Variants in PSD2 observed in about 807,000 individuals in gnomAD.
PSD2 encodes PH and SEC7 domain-containing protein 2.
A neutral mutation model predicts 69.8 loss-of-function variants in PSD2; 38 were observed. The ratio of observed to expected loss-of-function variants is 0.54; its 90% confidence interval spans 0.42 to 0.71. PSD2 has a LOEUF of 0.71. PSD2 is among the 30% of genes least tolerant of loss of function. PSD2 has a pLI of 0.00. For missense variants in PSD2, 943 were observed against 1,014.5 expected (o/e 0.93, Z 0.96); for synonymous variants, 412 against 423.0 (o/e 0.97, Z 0.32).
Position 139,837,362 on chromosome 5 carries a change from C to G in PSD2, c.1665+124C>G. 7 of 1,000,098 alleles carry G rather than the reference C, an allele frequency of 7.0e-6. No individual in the cohort carries two copies. The highest frequency in any genetic ancestry group is 1.0e-5 in the Non-Finnish European group (7 of 669,140). 62.0% of individuals were successfully genotyped at this position (1,000,098 alleles called of 1,614,324 possible). On this transcript the variant is annotated intron_variant, in intron 11 of 14. Transcript: ENST00000274710. The surrounding 1 kb of genome is among the most constrained non-coding windows in gnomAD (Gnocchi z 5.0). ...CTCAGGCACATGCTGGGTCCTTCCCCAGACTTGGGCCCTCTCAGGGCTTTG... is the reference window on the plus strand; with the variant it reads ...CTCAGGCACATGCTGGGTCCTTCCCGAGACTTGGGCCCTCTCAGGGCTTTG...
chr5:139,804,899 G>A (rs545490667), intron 1 of PSD2, among the ~76,000 whole-genome samples: 2 of 151,900 alleles, frequency 1.3e-5, no homozygotes, highest in East Asian at 3.9e-4. Flanking sequence ...ATGTGTGTGT[G>A]CGTGCGTGTG....
At chr5:139,747,812 C>G in the PSD2 span, among the ~76,000 whole-genome samples, 2 of 152,216 alleles carry the variant, frequency 1.3e-5, no homozygotes, top group Admixed American at 1.3e-4. The surrounding 1 kb of genome is among the most constrained non-coding windows in gnomAD (Gnocchi z 6.7). Flanking sequence ...TTTTCCAATA[C>G]GACAGCATCG....
In PSD2 at chr5:139,809,602, A is replaced by G; in HGVS notation, c.162A>G (p.Pro54=). ...CAGGGCACGAGCGAAGGGGCACCCC[A>G]GCGGACACTGAGGAACCCACGAAGG... ...CSPGHERRGT[P]ADTEEPTKDP... is the part of the protein sequence containing the mutation. Residue 54 remains proline (P), a synonymous_variant, in exon 2 of 15, where the codon CCA becomes CCG. Transcript: ENST00000274710. 1 of 1,614,284 alleles carries G rather than the reference A, an allele frequency of 6.2e-7. No individual in the cohort carries two copies. The highest frequency in any genetic ancestry group is 8.5e-7 in the Non-Finnish European group (1 of 1,180,054).
chr5:139,751,573 T>A, the PSD2 span, among the ~76,000 whole-genome samples: 1 of 152,222 alleles, frequency 6.6e-6, no homozygotes, highest in Admixed American at 6.5e-5. Context: ...CTGGCTCTAC[T>A]TTACTTGTTG....
In PSD2 at chr5:139,823,909, T is replaced by C. The variant is rs182880072; in HGVS notation, c.1269+1125T>C. Among the ~76,000 whole-genome samples, 110 of 152,358 alleles carry C rather than the reference T, an allele frequency of 7.2e-4. 2 individuals are homozygous for C. In the East Asian group the frequency reaches 0.02, roughly 28 times the overall value. ...GGGCTCATGGGTGCACTGGGGCACC[T>C]GGCCTGGGGAGGGCTAGAGCCTCAG... On this transcript the variant is annotated intron_variant, in intron 7 of 14. Transcript: ENST00000274710.
intron 1 of PSD2, among the ~76,000 whole-genome samples, chr5:139,800,222 T>C (rs1364829741): frequency 1.3e-5 from 2 of 152,206 alleles, no homozygotes; most frequent in African/African-American, 4.8e-5. Context: ...ACCCCAACCC[T>C]GGTTAAATCC....
chr5:139,750,971 G>T, the PSD2 span, among the ~76,000 whole-genome samples: 1 of 152,172 alleles, frequency 6.6e-6, no homozygotes, highest in Non-Finnish European at 1.5e-5. Flanking sequence ...TAAGCCCAGG[G>T]CTCCAAATTG....
chr5:139,793,517 G>C (rs1435144385), upstream of PSD2, among the ~76,000 whole-genome samples: 1 of 152,260 alleles, frequency 6.6e-6, no homozygotes, highest in Non-Finnish European at 1.5e-5. Flanking sequence ...GGCTCCCAGA[G>C]CTACAAAGGA....
intron 14 of PSD2, among the ~76,000 whole-genome samples, chr5:139,841,415 A>G (rs1027239397): frequency 6.6e-6 from 1 of 152,244 alleles, no homozygotes; most frequent in African/African-American, 2.4e-5. Flanking sequence ...CCGTTTATCC[A>G]TCAATGAACA....
At chr5:139,841,025 C>A (rs1285841882) in intron 14 of PSD2, among the ~76,000 whole-genome samples, 1 of 152,120 alleles carries the variant, frequency 6.6e-6, no homozygotes, top group Non-Finnish European at 1.5e-5. Context: ...AAACTCTGTA[C>A]ACATTAAATA....
intron 1 of PSD2, among the ~76,000 whole-genome samples, chr5:139,807,160 GC>G (rs1235937049): frequency 1.3e-5 from 2 of 152,204 alleles, no homozygotes; most frequent in African/African-American, 4.8e-5. Flanking sequence ...CTTAGGCAGA[GC>G]CCTGACTCAA....
At chr5:139,767,535 G>A in the PSD2 span, among the ~76,000 whole-genome samples, 3 of 151,914 alleles carry the variant, frequency 2.0e-5, no homozygotes, top group Admixed American at 2.0e-4. Flanking sequence ...GGCTGGTCTC[G>A]AACTCCTGAT....
chr5:139,816,670 T>C (rs534273022), intron 4 of PSD2, among the ~76,000 whole-genome samples: 24 of 152,322 alleles, frequency 1.6e-4, no homozygotes, highest in African/African-American at 5.8e-4. Flanking sequence ...TGAAATACAG[T>C]CTTCGTTGGC....
At chr5:139,774,344 T>C in the PSD2 span, among the ~76,000 whole-genome samples, 3,663 of 152,152 alleles carry the variant, frequency 0.024, 146 homozygotes, top group African/African-American at 0.084. Flanking sequence ...GAACAGTAAG[T>C]GCACAGGACC....
At chr5:139,820,782 C>G (rs749836163) in intron 5 of PSD2, among the ~76,000 whole-genome samples, 6 of 152,096 alleles carry the variant, frequency 3.9e-5, no homozygotes, top group Non-Finnish European at 8.8e-5. Flanking sequence ...GCCTGGCCTG[C>G]TCTGAGGCAC....
Position 139,821,881 on chromosome 5 carries a change from A to G in PSD2, c.1098-12A>G, listed in dbSNP as rs1191659934. On this transcript the variant is annotated splice_polypyrimidine_tract_variant and intron_variant, in intron 5 of 14. Transcript: ENST00000274710. The stretch of plus-strand genomic sequence containing the variant: ...CTCAGACTGCCCTCAGCAGCTTTGA[A>G]TTGCCTTCCAGAACATTCTTGAAGG... 5 of 1,576,794 alleles carry G rather than the reference A, an allele frequency of 3.2e-6. No homozygotes were observed. Among genetic ancestry groups the G allele is most frequent in the East Asian group, 4.5e-5 (2 of 44,284 alleles).
Position 139,813,509 on chromosome 5 carries a change from G to A in PSD2, c.572G>A (p.Ser191Asn), listed in dbSNP as rs149893758. The change falls in exon 3 of 15, where the codon AGC becomes AAC. Residue 191 changes from serine (S) to asparagine (N), a missense_variant. Physicochemically the swap from Ser to Asn is conservative, Grantham distance 46 (BLOSUM62 1). This residue lies in a region of PSD2 where 466 missense variants were observed against 445.0 expected (regional missense o/e 1.05). Transcript: ENST00000274710. ...TPLIQQRARD[S>N]PEPGAGLGIG... is the part of the protein sequence containing the mutation. ...CTCATCCAGCAGCGGGCCCGTGACA[G>A]CCCTGAGCCAGGGGCTGGGTTGGGC... is the stretch of plus-strand genomic sequence containing the variant. The A allele has an allele frequency of 3.7e-6, 6 of 1,612,328 alleles. No homozygotes were observed. The African/African-American group carries it at 4.0e-5, about 11-fold the overall frequency.
intron 7 of PSD2, among the ~76,000 whole-genome samples, chr5:139,830,068 T>C (rs1033310451): frequency 1.3e-5 from 2 of 151,948 alleles, no homozygotes; most frequent in Non-Finnish European, 2.9e-5. Flanking sequence ...GTGTGATCTG[T>C]AATGTGAAGT....
chr5:139,789,651 G>T, the PSD2 span, among the ~76,000 whole-genome samples: 2 of 152,162 alleles, frequency 1.3e-5, no homozygotes, highest in Non-Finnish European at 2.9e-5. Flanking sequence ...CTCATTATAT[G>T]AGTGCTTCAG....
Sources: allele counts gnomAD v4.1 joint callset (sites outside exome capture counted in the v4.1 genomes callset), GRCh38; gene constraint gnomAD v4.1.1; regional missense constraint gnomAD v4.1.1; non-coding constraint Gnocchi (gnomAD v3.1); transcripts MANE v1.5; gene names NCBI Gene and HGNC (gene_info 2026-07-23, HGNC 2026-07-21).